Variants in MAP2K6 observed in about 807,000 individuals in gnomAD.
MAP2K6 encodes the protein mitogen-activated protein kinase kinase 6.
A neutral mutation model predicts 53.7 loss-of-function variants in MAP2K6; 16 were observed. The ratio of observed to expected loss-of-function variants is 0.30; its 90% CI spans 0.20 to 0.45. The LOEUF is 0.45. MAP2K6 is among the 20% of genes least tolerant of loss of function. The pLI, the probability that MAP2K6 is intolerant of heterozygous loss-of-function variation, is 1.00. For missense variants in MAP2K6, 204 were observed against 411.9 expected, an observed-to-expected ratio of 0.50 and a Z score of 4.37; for synonymous variants, 132 against 143.1, an observed-to-expected ratio of 0.92 and a Z score of 0.55.
intron 1 of MAP2K6, among the ~76,000 whole-genome samples, chr17:69,445,635 G>A (rs1207213152): frequency 6.6e-6 from 1 of 152,142 alleles, no homozygotes; most frequent in East Asian, 1.9e-4. Context: ...GGCTAGGACC[G>A]AATCTCTCCA....
At chr17:69,490,459 G>T (rs1035178829) in intron 1 of MAP2K6, among the ~76,000 whole-genome samples, 1 of 152,180 alleles carries the variant, frequency 6.6e-6, no homozygotes, top group African/African-American at 2.4e-5. Context: ...AAATGCTACA[G>T]GAGTTAAGAA....
intron 1 of MAP2K6, among the ~76,000 whole-genome samples, chr17:69,501,398 A>G (rs1909167671): frequency 6.6e-6 from 1 of 152,218 alleles, no homozygotes; most frequent in South Asian, 2.1e-4. Flanking sequence ...TTACCCTCTC[A>G]GAGTGTGTGC....
chr17:69,532,346 C>G (rs1426617044), intron 10 of MAP2K6, among the ~76,000 whole-genome samples: 1 of 152,204 alleles, frequency 6.6e-6, no homozygotes, highest in African/African-American at 2.4e-5. Context: ...CAGAAATCCT[C>G]TGGTCAGCAC....
chr17:69,539,754 G>A (rs1911522870), intron 11 of MAP2K6, among the ~76,000 whole-genome samples: 1 of 152,176 alleles, frequency 6.6e-6, no homozygotes, highest in South Asian at 2.1e-4. Context: ...GATAATCTGA[G>A]GTTTGGCATG....
intron 1 of MAP2K6, among the ~76,000 whole-genome samples, chr17:69,456,920 C>G (rs951749182): frequency 1.3e-5 from 2 of 152,222 alleles, no homozygotes; most frequent in Admixed American, 6.5e-5. Context: ...TTGGACACTT[C>G]CATTTGACTG....
intron 1 of MAP2K6, among the ~76,000 whole-genome samples, chr17:69,462,184 C>T (rs1907643595): frequency 6.6e-6 from 1 of 152,246 alleles, no homozygotes; most frequent in East Asian, 1.9e-4. Context: ...TAGCAAGGCA[C>T]AACACTGGCC....
chr17:69,425,026 C>T (rs1215816914), intron 1 of MAP2K6, among the ~76,000 whole-genome samples: 1 of 152,248 alleles, frequency 6.6e-6, no homozygotes, highest in Non-Finnish European at 1.5e-5. Flanking sequence ...TGTGTGTTTC[C>T]TTACACATCT....
intron 1 of MAP2K6, among the ~76,000 whole-genome samples, chr17:69,449,545 CTTTCTTTCTTTCTTTATTTCTTTCTT>C (rs1567821756): frequency 4.4e-4 from 47 of 105,670 alleles, no homozygotes; most frequent in African/African-American, 1.4e-3. Context: ...TTCTTTCTTT[CTTTCTTTCTTTCTTTATTTCTTTCTT>C]TCTTTCTTTC....
intron 10 of MAP2K6, among the ~76,000 whole-genome samples, chr17:69,535,875 A>C (rs2716192): frequency 0.35 from 50,452 of 142,710 alleles, 9,247 homozygotes; most frequent in East Asian, 0.59. Flanking sequence ...TATCAAAAGG[A>C]AAGTACACAC....
intron 1 of MAP2K6, among the ~76,000 whole-genome samples, chr17:69,485,840 G>A (rs754461540): frequency 6.6e-5 from 10 of 151,920 alleles, no homozygotes; most frequent in Non-Finnish European, 1.2e-4. Flanking sequence ...TTTTTTCTTG[G>A]CTTGACAGTT....
chr17:69,538,309 T>C (rs1911452256), intron 11 of MAP2K6, among the ~76,000 whole-genome samples: 1 of 152,256 alleles, frequency 6.6e-6, no homozygotes. Flanking sequence ...TTAATATACA[T>C]GGGCAGCTGA....
intron 10 of MAP2K6, among the ~76,000 whole-genome samples, chr17:69,528,207 T>G (rs566087853): frequency 8.6e-5 from 13 of 151,134 alleles, no homozygotes; most frequent in Admixed American, 5.3e-4. Flanking sequence ...ACCTAAGAGC[T>G]CTTCGACTCT....
chr17:69,551,024 T>C lies in MAP2K6; in HGVS notation c.*9271T>C, dbSNP rs962287741. 1.4e-4 allele frequency: 22 copies of C among 152,152 alleles called. No homozygotes were observed. Among genetic ancestry groups the C allele is most frequent in the African/African-American group, 5.1e-4 (21 of 41,412 alleles). The allele number at this position is 152,152 out of a possible 1,614,324, so 9.4% of individuals were successfully genotyped here. ...TTTGAAAGAAAAATGCAAGGAATTGTTGTATGACAGCCATGCATTATAGAT... is the reference window on the plus strand; with the variant it reads ...TTTGAAAGAAAAATGCAAGGAATTGCTGTATGACAGCCATGCATTATAGAT... On this transcript the variant is annotated 3_prime_UTR_variant, in exon 12 of 12. Coordinates refer to ENST00000590474, the MANE Select transcript of MAP2K6 (RefSeq NM_002758.4).
intron 11 of MAP2K6, among the ~76,000 whole-genome samples, chr17:69,537,689 G>A (rs1408753570): frequency 1.3e-5 from 2 of 152,166 alleles, no homozygotes; most frequent in Non-Finnish European, 2.9e-5. Flanking sequence ...TGGATGAATT[G>A]GAGATGAGAC....
chr17:69,502,590 TA>T, intron 1 of MAP2K6: 1 of 985,410 alleles, frequency 1.0e-6, no homozygotes, highest in South Asian at 4.7e-5. Context: ...ATATTAGGTT[TA>T]AGATATGCAG....
intron 1 of MAP2K6, among the ~76,000 whole-genome samples, chr17:69,420,327 C>A (rs1460800892): frequency 2.0e-5 from 3 of 152,118 alleles, no homozygotes; most frequent in Admixed American, 6.5e-5. Flanking sequence ...GAAATTTAAT[C>A]TAATTTTTTT....
intron 1 of MAP2K6, among the ~76,000 whole-genome samples, chr17:69,439,759 A>T (rs1200765643): frequency 6.6e-6 from 1 of 152,122 alleles, no homozygotes; most frequent in African/African-American, 2.4e-5. Context: ...TTCTTTTGGT[A>T]TTAAGTTTGC....
intron 1 of MAP2K6, among the ~76,000 whole-genome samples, chr17:69,476,476 G>T (rs183894269): frequency 3.5e-4 from 54 of 152,338 alleles, no homozygotes; most frequent in African/African-American, 1.3e-3. Flanking sequence ...TGTGAATGAG[G>T]TGGTATATGA....
chr17:69,465,083 T>C (rs1232498190), intron 1 of MAP2K6, among the ~76,000 whole-genome samples: 9 of 151,850 alleles, frequency 5.9e-5, no homozygotes, highest in Non-Finnish European at 1.3e-4. Context: ...GCCTGATGCA[T>C]AATAGCTCCT....
Sources: allele counts gnomAD v4.1 joint callset (sites outside exome capture counted in the v4.1 genomes callset), GRCh38; gene constraint gnomAD v4.1.1; transcripts MANE v1.5; gene names NCBI Gene and HGNC (gene_info 2026-07-23, HGNC 2026-07-21).